CLSTN2: variants seen among roughly 807,000 people sequenced by gnomAD.
CLSTN2 encodes calsyntenin-2.
Under a neutral mutation model 101.2 loss-of-function variants are expected in CLSTN2, and 48 were observed. That is an observed-to-expected ratio of 0.47 (90% confidence interval 0.38 to 0.60). The LOEUF (loss-of-function observed/expected upper bound fraction) is 0.60. Ranked by LOEUF, CLSTN2 falls within the 20% of genes least tolerant of loss-of-function variation. The probability of loss-of-function intolerance (pLI) is 0.00; values close to 1 mark genes in which losing one functional copy is unlikely to be tolerated. For synonymous variants in CLSTN2, 481 were observed against 463.6 expected (o/e 1.04, Z -0.48); for missense variants, 1,160 against 1,238.2 (o/e 0.94, Z 0.95).
intron 2 of CLSTN2, among the ~76,000 whole-genome samples, chr3:140,185,474 C>G (rs926593300): frequency 1.3e-5 from 2 of 152,150 alleles, no homozygotes; most frequent in Non-Finnish European, 2.9e-5. Flanking sequence ...AGTAATGATG[C>G]AAACACATTA....
At chr3:140,167,709 C>T (rs544528906) in intron 1 of CLSTN2, among the ~76,000 whole-genome samples, 1 of 152,282 alleles carries the variant, frequency 6.6e-6, no homozygotes, top group Non-Finnish European at 1.5e-5. Context: ...AATCAAATCC[C>T]ACCCCACCCC....
intron 1 of CLSTN2, among the ~76,000 whole-genome samples, chr3:140,123,811 T>TAC (rs2009384568): frequency 7.0e-6 from 1 of 142,132 alleles, no homozygotes; most frequent in African/African-American, 2.7e-5. Flanking sequence ...GACATATATA[T>TAC]ATATATATAC....
chr3:140,496,571 A>C (rs976728839), intron 8 of CLSTN2, among the ~76,000 whole-genome samples: 1 of 152,116 alleles, frequency 6.6e-6, no homozygotes, highest in Non-Finnish European at 1.5e-5. Context: ...TCCAGCTTTT[A>C]CCCATTCAGT....
At chr3:140,366,635 GCTCTGCAATTCCCTCCACT>G (rs2087793540) in intron 2 of CLSTN2, among the ~76,000 whole-genome samples, 1 of 152,024 alleles carries the variant, frequency 6.6e-6, no homozygotes, top group African/African-American at 2.4e-5. Flanking sequence ...CACTTCATTT[GCTCTGCAATTCCCTCCACT>G]CTCTGCACCA....
intron 6 of CLSTN2, among the ~76,000 whole-genome samples, chr3:140,457,325 C>G (rs1401632796): frequency 6.6e-6 from 1 of 152,256 alleles, no homozygotes; most frequent in African/African-American, 2.4e-5. Flanking sequence ...GTGTGTACCT[C>G]TGTCACCATC....
At chr3:140,273,776 C>A (rs1171995862) in intron 2 of CLSTN2, among the ~76,000 whole-genome samples, 1 of 152,110 alleles carries the variant, frequency 6.6e-6, no homozygotes, top group South Asian at 2.1e-4. Flanking sequence ...ATTGGGAAAG[C>A]CTTCAAAAAG....
chr3:139,982,075 A>G (rs1935936009), intron 1 of CLSTN2, among the ~76,000 whole-genome samples: 1 of 152,126 alleles, frequency 6.6e-6, no homozygotes, highest in Non-Finnish European at 1.5e-5. Flanking sequence ...GCCAATAATA[A>G]TTTATTTGCT....
chr3:140,410,561 A>G (rs768338073), intron 4 of CLSTN2, among the ~76,000 whole-genome samples: 55 of 152,232 alleles, frequency 3.6e-4, no homozygotes, highest in Non-Finnish European at 5.1e-4. Context: ...TGATAAGGGG[A>G]GTTTTTCAAG....
chr3:140,560,904 T>G (rs1266360745), intron 12 of CLSTN2, among the ~76,000 whole-genome samples: 5 of 152,152 alleles, frequency 3.3e-5, no homozygotes, highest in Non-Finnish European at 5.9e-5. Context: ...AAGCGTATGT[T>G]ATTGTGCTTT....
intron 1 of CLSTN2, among the ~76,000 whole-genome samples, chr3:139,942,522 A>G (rs1349390456): frequency 6.6e-6 from 1 of 152,208 alleles, no homozygotes; most frequent in African/African-American, 2.4e-5. Context: ...AGGTGGCTAG[A>G]TAACAAAGTG....
At chr3:140,011,985 G>T (rs1053410809) in intron 1 of CLSTN2, among the ~76,000 whole-genome samples, 1 of 152,108 alleles carries the variant, frequency 6.6e-6, no homozygotes, top group Non-Finnish European at 1.5e-5. Context: ...GAAAACCTGA[G>T]ATTCTAATTG....
At chr3:140,178,463 T>C (rs2010357784) in intron 2 of CLSTN2, among the ~76,000 whole-genome samples, 1 of 152,244 alleles carries the variant, frequency 6.6e-6, no homozygotes, top group East Asian at 1.9e-4. Context: ...AACCATAGTT[T>C]CCTTCTAAGC....
intron 1 of CLSTN2, among the ~76,000 whole-genome samples, chr3:140,094,363 T>G (rs1396273177): frequency 6.6e-6 from 1 of 152,222 alleles, no homozygotes; most frequent in Non-Finnish European, 1.5e-5. Flanking sequence ...AGCTGTAAAG[T>G]CTCTTCAAAT....
chr3:140,109,569 T>C (rs546345730), intron 1 of CLSTN2, among the ~76,000 whole-genome samples: 21 of 152,316 alleles, frequency 1.4e-4, no homozygotes, highest in East Asian at 5.8e-4. Flanking sequence ...TGCTCCTTGG[T>C]CTTTTTCAAA....
intron 1 of CLSTN2, among the ~76,000 whole-genome samples, chr3:140,066,829 G>A (rs2008307201): frequency 6.6e-6 from 1 of 152,214 alleles, no homozygotes; most frequent in Non-Finnish European, 1.5e-5. Flanking sequence ...TGGCAAAGAG[G>A]TAGCTGTGCA....
chr3:139,963,849 G>A (rs1935551254), intron 1 of CLSTN2, among the ~76,000 whole-genome samples: 1 of 152,362 alleles, frequency 6.6e-6, no homozygotes, highest in African/African-American at 2.4e-5. Flanking sequence ...GCACAGCAGA[G>A]CCCAGTGCTG....
rs375333353 is a variant in CLSTN2 at position 140,403,710 on chromosome 3, G to A, written c.314G>A (p.Arg105Gln). Residue 105 changes from arginine to glutamine, a missense_variant, in exon 3 of 17, where the codon CGG becomes CAG. Coordinates refer to ENST00000458420, the MANE Select transcript of CLSTN2 (RefSeq NM_022131.3). ...VVLNKTSGEG[R>Q]LRAKSPIDCE... ...CTCAACAAGACATCAGGAGAGGGCC[G>A]GCTCCGTGCCAAGAGCCCCATTGAC... is the stretch of plus-strand genomic sequence containing the variant. 1.7e-5 allele frequency: 27 copies of A among 1,614,040 alleles called. No individual in the cohort carries two copies. The highest frequency in any genetic ancestry group is 1.6e-4 in the Middle Eastern group (1 of 6,084).
chr3:140,107,840 C>T (rs961569151), intron 1 of CLSTN2, among the ~76,000 whole-genome samples: 1 of 152,162 alleles, frequency 6.6e-6, no homozygotes, highest in African/African-American at 2.4e-5. Flanking sequence ...CCTCCTCAAT[C>T]TTTTAATTCT....
chr3:140,265,883 G>A (rs1243452986), intron 2 of CLSTN2, among the ~76,000 whole-genome samples: 2 of 152,124 alleles, frequency 1.3e-5, no homozygotes, highest in African/African-American at 2.4e-5. Context: ...GATATGATCC[G>A]ATAAATTCAG....
Sources: allele counts gnomAD v4.1 joint callset (sites outside exome capture counted in the v4.1 genomes callset), GRCh38; gene constraint gnomAD v4.1.1; transcripts MANE v1.5; gene names NCBI Gene and HGNC (gene_info 2026-07-23, HGNC 2026-07-21).